The following DNMBP variants were observed in gnomAD, a reference collection of about 807,000 sequenced individuals.
DNMBP encodes dynamin-binding protein.
A neutral mutation model predicts 150.0 loss-of-function variants in DNMBP; 87 were observed. The observed-to-expected ratio is 0.58, with a 90% CI of 0.49 to 0.69. DNMBP has a LOEUF of 0.69. Ranked by LOEUF, DNMBP falls within the 30% of genes least tolerant of loss-of-function variation. The pLI, the probability that DNMBP is intolerant of heterozygous loss-of-function variation, is 0.00. For synonymous variants in DNMBP, 711 were observed against 750.4 expected (o/e 0.95, Z 0.86); for missense variants, 1,774 against 1,949.0 (o/e 0.91, Z 1.69).
chr10:99,946,503 G>A (rs1312710531), intron 4 of DNMBP, among the ~76,000 whole-genome samples: 1 of 152,076 alleles, frequency 6.6e-6, no homozygotes, highest in Non-Finnish European at 1.5e-5. Context: ...ACCAAAATAA[G>A]CAATGGGGAA....
At chr10:99,890,535 T>A (rs1344680137) in intron 11 of DNMBP, among the ~76,000 whole-genome samples, 1 of 152,162 alleles carries the variant, frequency 6.6e-6, no homozygotes, top group African/African-American at 2.4e-5. Flanking sequence ...TGTCACACTT[T>A]AGAAAACCTG....
At chr10:99,903,254 C>T (rs1031556554) in intron 6 of DNMBP, among the ~76,000 whole-genome samples, 1 of 152,006 alleles carries the variant, frequency 6.6e-6, no homozygotes, top group Non-Finnish European at 1.5e-5. Context: ...AGCTTCCCTT[C>T]TGTCTACTCC....
intron 1 of DNMBP, among the ~76,000 whole-genome samples, chr10:99,975,746 G>A (rs1218053603): frequency 6.6e-6 from 1 of 152,196 alleles, no homozygotes; most frequent in African/African-American, 2.4e-5. Context: ...CCACAGGCCA[G>A]CTCCACTATT....
intron 10 of DNMBP, among the ~76,000 whole-genome samples, chr10:99,895,471 C>G (rs117603065): frequency 6.6e-6 from 1 of 152,172 alleles, no homozygotes; most frequent in East Asian, 1.9e-4. Flanking sequence ...AATTTTAAAC[C>G]TTTAATGTTT....
Position 99,877,096 on chromosome 10 carries a change from ACCCTCG to A in DNMBP, c.*49_*54del. On this transcript the variant is annotated 3_prime_UTR_variant, in exon 17 of 17. Coordinates refer to ENST00000324109, the MANE Select transcript of DNMBP (RefSeq NM_015221.4). ...GGCGCCCTCTCGGTGGGCCGCCAGA[ACCCTCG>A]GCGGACTGAAAGCAAAGGCAGCAAG... The A allele has an allele frequency of 1.4e-6, 2 of 1,396,268 alleles. No individual in the cohort carries two copies. Among genetic ancestry groups the A allele is most frequent in the Non-Finnish European group, 1.9e-6 (2 of 1,059,834 alleles). 86.5% of individuals were successfully genotyped at this position (1,396,268 alleles called of 1,614,324 possible). A position where few individuals can be genotyped will look rare whatever the true frequency, so the allele number is the denominator to read the frequency against.
intron 6 of DNMBP, among the ~76,000 whole-genome samples, chr10:99,904,209 C>T (rs1304884928): frequency 6.6e-6 from 1 of 152,026 alleles, no homozygotes; most frequent in Non-Finnish European, 1.5e-5. Context: ...GAGCTGTGAT[C>T]ACACTGCTAC....
chr10:99,954,334 G>A (rs1019159292), intron 4 of DNMBP, among the ~76,000 whole-genome samples: 2 of 148,372 alleles, frequency 1.3e-5, no homozygotes, highest in East Asian at 2.2e-4. Flanking sequence ...CACCGCACCC[G>A]GCAAGGTTTG....
rs115083219 is a variant in DNMBP, at chr10:99,883,479, C to T, written c.3997+532G>A. On this transcript the variant is annotated intron_variant, in intron 15 of 16. Coordinates refer to ENST00000324109, the MANE Select transcript of DNMBP (RefSeq NM_015221.4). ...AGAAGTTGGAGACCAGCCTGGACAACATGGCAAGACGTAATATCTATAAAA... is the reference window on the plus strand; with the variant it reads ...AGAAGTTGGAGACCAGCCTGGACAATATGGCAAGACGTAATATCTATAAAA... Among the ~76,000 whole-genome samples the T allele has an allele frequency of 7.3e-3, 1,107 of 151,722 alleles. 15 individuals are homozygous for T. The highest frequency in any genetic ancestry group is 0.025 in the African/African-American group (1,027 of 41,358).
chr10:99,880,812 A>G (rs2039355419), intron 15 of DNMBP, among the ~76,000 whole-genome samples: 1 of 152,238 alleles, frequency 6.6e-6, no homozygotes, highest in East Asian at 1.9e-4. Flanking sequence ...GTTAAGAACC[A>G]GCCTCGGCAG....
chr10:99,898,070 AT>A lies in DNMBP; in HGVS notation c.2920+15del. The A allele has an allele frequency of 6.2e-7, 1 of 1,606,094 alleles. No homozygotes were observed. Among genetic ancestry groups the A allele is most frequent in the Non-Finnish European group, 8.5e-7 (1 of 1,172,670 alleles). On this transcript the variant is annotated intron_variant, in intron 9 of 16. Transcript: ENST00000324109. ...CAAAGGGCATACCTCCTTTTCAGCA[AT>A]TATGCTGTTCTTACCCAGGTCCTTT...
rs1307886283 is a variant in DNMBP at position 99,877,309 on chromosome 10, C to T, written c.4576G>A (p.Ala1526Thr). The change falls in exon 17 of 17, where the codon GCA becomes ACA. Residue 1526 changes from alanine to threonine, a missense_variant. Ala to Thr is a moderately conservative substitution (Grantham distance 58). Coordinates refer to ENST00000324109, the MANE Select transcript of DNMBP (RefSeq NM_015221.4). ...ACGCTCAGCTCATTTGGGTTTCGTGCCTTGAAGGTGTAGACAGCAAAATAG... is the reference window on the plus strand; with the variant it reads ...ACGCTCAGCTCATTTGGGTTTCGTGTCTTGAAGGTGTAGACAGCAAAATAG... Reference protein sequence around the residue: ...QVYFAVYTFKARNPNELSVSA... With the variant: ...QVYFAVYTFKTRNPNELSVSA... 1.2e-6 allele frequency: 2 copies of T among 1,612,950 alleles called. No individual in the cohort carries two copies. The highest frequency in any genetic ancestry group is 8.5e-7 in the Non-Finnish European group (1 of 1,179,578).
At chr10:99,894,042 G>A (rs769906306) in intron 11 of DNMBP, among the ~76,000 whole-genome samples, 2 of 152,098 alleles carry the variant, frequency 1.3e-5, no homozygotes, top group Non-Finnish European at 2.9e-5. Flanking sequence ...TGGACATGGT[G>A]GCTCATGCCT....
At position 99,898,729 on chromosome 10, in the gene DNMBP, G is replaced by A; in HGVS notation, c.2720+14C>T. ...AAGAAATGAGCGCATACATCAAGCA[G>A]CAATGGAACTTACCATTCGTTGTAT... On this transcript the variant is annotated intron_variant, in intron 8 of 16. Coordinates refer to ENST00000324109, the MANE Select transcript of DNMBP (RefSeq NM_015221.4). 6.2e-7 allele frequency: 1 copy of A among 1,613,494 alleles called. No homozygotes were observed. Among genetic ancestry groups the A allele is most frequent in the South Asian group, 1.1e-5 (1 of 91,038 alleles).
Position 99,908,037 on chromosome 10 carries a change from A to C in DNMBP, c.2512T>G (p.Ser838Ala). Residue 838 changes from serine to alanine, a missense_variant, in exon 6 of 17, where the codon TCG becomes GCG. By Grantham distance (99) the Ser-to-Ala change is moderately conservative. Coordinates refer to ENST00000324109, the MANE Select transcript of DNMBP (RefSeq NM_015221.4). Reference protein sequence around the residue: ...FGNMQMVIKVSKQLLAALEIS... With the variant: ...FGNMQMVIKVAKQLLAALEIS... The stretch of plus-strand genomic sequence containing the variant: ...TCCAGAGCAGCCAATAATTGCTTCG[A>C]GACCTTAATCACCATCTGCATATTT... The C allele has an allele frequency of 6.2e-7, 1 of 1,614,138 alleles. No homozygotes were observed. The highest frequency in any genetic ancestry group is 8.5e-7 in the Non-Finnish European group (1 of 1,179,980).
chr10:99,928,659 A>T, intron 4 of DNMBP, among the ~76,000 whole-genome samples: 1 of 152,238 alleles, frequency 6.6e-6, no homozygotes, highest in East Asian at 1.9e-4. Flanking sequence ...CAACGTAGTT[A>T]AGGCTCAGTG....
chr10:99,922,073 A>ATCTTCC (rs2040028717), intron 4 of DNMBP, among the ~76,000 whole-genome samples: 1 of 152,038 alleles, frequency 6.6e-6, no homozygotes, highest in African/African-American at 2.4e-5. Flanking sequence ...ACAAACATGG[A>ATCTTCC]TCTTCCTCCC....
chr10:99,986,593 T>TGAA (rs2040829559), intron 1 of DNMBP, among the ~76,000 whole-genome samples: 1 of 20,826 alleles, frequency 4.8e-5, no homozygotes, highest in African/African-American at 2.3e-4. Flanking sequence ...AGACTCCGTC[T>TGAA]CAAAAAAAAA....
At chr10:99,971,290 C>T (rs1276765662) in intron 2 of DNMBP, among the ~76,000 whole-genome samples, 1 of 149,902 alleles carries the variant, frequency 6.7e-6, no homozygotes, top group East Asian at 1.9e-4. Flanking sequence ...TTGGGCTTCC[C>T]ATTTAGCTAG....
At chr10:99,889,689 A>G (rs1043698641) in intron 11 of DNMBP, among the ~76,000 whole-genome samples, 2 of 152,294 alleles carry the variant, frequency 1.3e-5, no homozygotes, top group South Asian at 4.1e-4. Context: ...CATCTCTACA[A>G]TGCTGGGCTG....
Sources: allele counts gnomAD v4.1 joint callset (sites outside exome capture counted in the v4.1 genomes callset), GRCh38; gene constraint gnomAD v4.1.1; transcripts MANE v1.5; gene names NCBI Gene and HGNC (gene_info 2026-07-23, HGNC 2026-07-21).